The following TAFA2 variants were observed in gnomAD, a reference collection of about 807,000 sequenced individuals.
TAFA2 encodes the protein TAFA chemokine like family member 2.
Under a neutral mutation model 18.8 loss-of-function variants are expected in TAFA2, and 7 were observed. The ratio of observed to expected loss-of-function variants is 0.37; its 90% CI spans 0.21 to 0.70. The LOEUF (loss-of-function observed/expected upper bound fraction) is 0.70, where lower values mean the gene tolerates loss of function less well. Among genes scored for constraint, TAFA2 ranks in the 30% least tolerant of loss-of-function variants. TAFA2 has a pLI of 0.53. For missense variants in TAFA2, 122 were observed against 158.1 expected, an observed-to-expected ratio of 0.77 and a Z score of 1.23; for synonymous variants, 60 against 54.2, an observed-to-expected ratio of 1.11 and a Z score of -0.47.
chr12:62,233,066 CTTTTTTT>C (rs34781688), intron 1 of TAFA2, among the ~76,000 whole-genome samples: 6 of 39,530 alleles, frequency 1.5e-4, no homozygotes, highest in Admixed American at 9.8e-4. Context: ...TTCTGCATCT[CTTTTTTT>C]TTTTTTTTTT....
intron 2 of TAFA2, among the ~76,000 whole-genome samples, chr12:61,797,721 C>T (rs1335350987): frequency 6.6e-6 from 1 of 152,086 alleles, no homozygotes; most frequent in East Asian, 1.9e-4. Context: ...ATCTCATCTT[C>T]CACAAAGGGA....
rs147641493 is a variant in TAFA2, at chr12:62,126,861, T to A, written c.-2+64398A>T. Reference sequence around the variant, plus strand: ...ATAGCTCTTGAAAAGTTATGCCAGTTTTTGAACAAATCTTTCTTTTTCAGT... The same window carrying A: ...ATAGCTCTTGAAAAGTTATGCCAGTATTTGAACAAATCTTTCTTTTTCAGT... On this transcript the variant is annotated intron_variant, in intron 1 of 4. Transcript: ENST00000416284. Among the ~76,000 whole-genome samples, 299 of 152,204 alleles carry A rather than the reference T, an allele frequency of 2.0e-3. 1 individual carries two copies. Among genetic ancestry groups the A allele is most frequent in the African/African-American group, 6.6e-3 (274 of 41,552 alleles).
chr12:61,767,161 G>C (rs929232051), intron 2 of TAFA2, among the ~76,000 whole-genome samples: 1 of 152,114 alleles, frequency 6.6e-6, no homozygotes, highest in African/African-American at 2.4e-5. Flanking sequence ...ATGAAAGCCT[G>C]CTCATCAGAG....
At chr12:62,127,635 G>A (rs1010819250) in intron 1 of TAFA2, among the ~76,000 whole-genome samples, 4 of 151,970 alleles carry the variant, frequency 2.6e-5, no homozygotes, top group Non-Finnish European at 5.9e-5. Flanking sequence ...AGGCTTTGAG[G>A]AGACCATGAA....
chr12:61,761,951 T>C (rs1869568521), intron 2 of TAFA2, among the ~76,000 whole-genome samples: 2 of 151,906 alleles, frequency 1.3e-5, no homozygotes, highest in African/African-American at 4.8e-5. Context: ...TGAAAGAAAT[T>C]TGGTTATTTA....
chr12:62,247,390 C>T (rs763713452), intron 1 of TAFA2, among the ~76,000 whole-genome samples: 1 of 152,200 alleles, frequency 6.6e-6, no homozygotes, highest in African/African-American at 2.4e-5. Context: ...ATTCCACTTA[C>T]TCTCATTCAA....
At chr12:61,941,724 C>T (rs568503538) in intron 1 of TAFA2, among the ~76,000 whole-genome samples, 7 of 152,298 alleles carry the variant, frequency 4.6e-5, no homozygotes, top group African/African-American at 7.2e-5. Flanking sequence ...CACTCCCACC[C>T]GAATATTGCG....
intron 1 of TAFA2, among the ~76,000 whole-genome samples, chr12:61,932,585 A>AC (rs1217786715): frequency 4.0e-5 from 6 of 151,606 alleles, no homozygotes; most frequent in Non-Finnish European, 8.8e-5. Context: ...GATTACAGGC[A>AC]CCCCCCTCCA....
chr12:62,234,349 C>T, intron 1 of TAFA2: 2 of 567,818 alleles, frequency 3.5e-6, no homozygotes, highest in South Asian at 1.5e-5. Flanking sequence ...GTTGCCAGGT[C>T]CAGTGTTCTC....
At chr12:62,029,750 A>C (rs1419067596) in intron 1 of TAFA2, among the ~76,000 whole-genome samples, 1 of 151,966 alleles carries the variant, frequency 6.6e-6, no homozygotes, top group African/African-American at 2.4e-5. Flanking sequence ...CCAGGTGAGG[A>C]GAGTTGACTC....
chr12:61,744,717 C>T (rs1868617772), intron 4 of TAFA2, among the ~76,000 whole-genome samples: 1 of 151,882 alleles, frequency 6.6e-6, no homozygotes, highest in Admixed American at 6.6e-5. Flanking sequence ...ACCACATCTG[C>T]CTAATTTTTG....
intron 1 of TAFA2, among the ~76,000 whole-genome samples, chr12:62,066,126 C>CGTGTGT (rs3221978): frequency 0.068 from 9,931 of 145,480 alleles, 398 homozygotes; most frequent in Admixed American, 0.15. Context: ...CTGAAACAGC[C>CGTGTGT]GTGTGTGTGT....
chr12:62,043,559 C>G (rs2136763497), intron 1 of TAFA2, among the ~76,000 whole-genome samples: 1 of 152,168 alleles, frequency 6.6e-6, no homozygotes, highest in African/African-American at 2.4e-5. Flanking sequence ...CACATGTATA[C>G]ATATGTAACA....
intron 1 of TAFA2, among the ~76,000 whole-genome samples, chr12:62,054,080 G>A (rs1467944695): frequency 6.6e-6 from 1 of 152,184 alleles, no homozygotes; most frequent in Non-Finnish European, 1.5e-5. Context: ...GCTCAACTCA[G>A]CATACATGAT....
At chr12:62,113,732 T>C (rs1487287675) in intron 1 of TAFA2, among the ~76,000 whole-genome samples, 1 of 152,180 alleles carries the variant, frequency 6.6e-6, no homozygotes, top group Non-Finnish European at 1.5e-5. Flanking sequence ...CTACAACAGC[T>C]TTGCAGAGCT....
intron 1 of TAFA2, among the ~76,000 whole-genome samples, chr12:61,975,513 T>TAGTGTGTGTGTGTGTGTGTGTGTG: frequency 6.5e-5 from 1 of 15,304 alleles, no homozygotes; most frequent in Non-Finnish European, 1.3e-4. Context: ...TCAATAATAT[T>TAGTGTGTGTGTGTGTGTGTGTGTG]CGTGTGTGTG....
intron 1 of TAFA2, among the ~76,000 whole-genome samples, chr12:61,891,473 C>T (rs959486735): frequency 2.0e-5 from 3 of 152,144 alleles, no homozygotes; most frequent in African/African-American, 7.2e-5. Flanking sequence ...ATGGAGCAAC[C>T]TTGCCTCTAC....
chr12:62,252,095 C>T, intron 1 of TAFA2: 1 of 152,196 alleles, frequency 6.6e-6, no homozygotes, highest in East Asian at 1.9e-4. Flanking sequence ...CTAGAGTTTC[C>T]TCACCTTGAC....
chr12:62,042,806 T>C (rs1444585761), intron 1 of TAFA2, among the ~76,000 whole-genome samples: 1 of 152,084 alleles, frequency 6.6e-6, no homozygotes, highest in Admixed American at 6.6e-5. Flanking sequence ...TAATCTATCC[T>C]GGCAAGGTTA....
Sources: gnomAD v4.1 joint callset for allele counts (sites outside exome capture counted in the v4.1 genomes callset) on GRCh38, gnomAD v4.1.1 for gene constraint, MANE v1.5 for transcripts, NCBI Gene and HGNC (gene_info 2026-07-23, HGNC 2026-07-21) for gene names.